The following ZNF474 variants were observed in gnomAD, a reference collection of about 807,000 sequenced individuals.
The protein encoded by ZNF474 is zinc finger protein 474, also known as 4933409D10Rik.
For missense variants in ZNF474, 511 were observed against 433.8 expected, an observed-to-expected ratio of 1.18 and a Z score of -1.58; for synonymous variants, 192 against 162.2, an observed-to-expected ratio of 1.18 and a Z score of -1.39.
chr5:122,130,295 A>G (rs1382375039), intron 1 of ZNF474, among the ~76,000 whole-genome samples: 1 of 152,182 alleles, frequency 6.6e-6, no homozygotes, highest in Non-Finnish European at 1.5e-5. Flanking sequence ...CAGTCAGGGC[A>G]CGGGACATTT....
In ZNF474 at chr5:122,152,850, G is replaced by C. The variant is rs1168996467; in HGVS notation, c.860G>C (p.Cys287Ser). 4 of 1,614,106 alleles carry C rather than the reference G, an allele frequency of 2.5e-6. No homozygotes were observed. Among genetic ancestry groups the C allele is most frequent in the Non-Finnish European group, 2.5e-6 (3 of 1,180,020 alleles). Residue 287 changes from cysteine (C) to serine (S), a missense_variant, in exon 2 of 2, where the codon TGC (cysteine) becomes TCC (serine). Transcript: ENST00000296600. ...AGPNQAQLVF[C>S]PHCSRIFTSD... ...CCAAATCAAGCTCAGCTTGTGTTCT[G>C]CCCACATTGTAGCCGAATCTTTACC... is the stretch of plus-strand genomic sequence containing the variant.
intron 1 of ZNF474, among the ~76,000 whole-genome samples, chr5:122,142,557 G>T (rs115824426): frequency 2.6e-5 from 4 of 152,086 alleles, no homozygotes; most frequent in Non-Finnish European, 5.9e-5. Context: ...AAGAATGAAC[G>T]TTTCCCCTAG....
At chr5:122,141,924 C>T (rs560046936) in intron 1 of ZNF474, among the ~76,000 whole-genome samples, 11 of 152,308 alleles carry the variant, frequency 7.2e-5, no homozygotes, top group African/African-American at 2.6e-4. Context: ...GGAAGAAGTT[C>T]TCCACATTTG....
Position 122,151,912 on chromosome 5 carries a change from T to C in ZNF474, c.-79T>C, listed in dbSNP as rs1310502767. On this transcript the variant is annotated 5_prime_UTR_variant, in exon 2 of 2. Transcript: ENST00000296600. ...TGAACCCCAGGACAACTAACCTCACTAACCTTCACTCTAAGCAGAAGCCCA... is the reference window on the plus strand; with the variant it reads ...TGAACCCCAGGACAACTAACCTCACCAACCTTCACTCTAAGCAGAAGCCCA... 6 of 1,517,122 alleles carry C rather than the reference T, an allele frequency of 4.0e-6. No homozygotes were observed. The highest frequency in any genetic ancestry group is 5.2e-6 in the Non-Finnish European group (6 of 1,142,930). The allele number at this position is 1,517,122 out of a possible 1,614,324, so 94.0% of individuals were successfully genotyped here.
chr5:122,145,102 T>C (rs1184023654), intron 1 of ZNF474, among the ~76,000 whole-genome samples: 2 of 152,212 alleles, frequency 1.3e-5, no homozygotes, highest in Non-Finnish European at 1.5e-5. Flanking sequence ...TGTTCATACC[T>C]GACAATTAGA....
intron 1 of ZNF474, among the ~76,000 whole-genome samples, chr5:122,142,585 C>G (rs542612804): frequency 6.6e-6 from 1 of 152,278 alleles, no homozygotes; most frequent in East Asian, 1.9e-4. Context: ...GCGACTCATT[C>G]TAGTGGTTTT....
intron 1 of ZNF474, among the ~76,000 whole-genome samples, chr5:122,133,873 G>C (rs1168636844): frequency 2.6e-5 from 4 of 152,192 alleles, no homozygotes; most frequent in South Asian, 2.1e-4. Flanking sequence ...GCTTATTTTA[G>C]AATTCAAATC....
At chr5:122,147,009 G>A (rs535425416) in intron 1 of ZNF474, among the ~76,000 whole-genome samples, 2 of 152,344 alleles carry the variant, frequency 1.3e-5, no homozygotes, top group Admixed American at 1.3e-4. Context: ...AATTGAGGGA[G>A]TTGAGTGGAA....
chr5:122,141,300 A>ACTTTTTTTTTTTTTTTT (rs1755839307), intron 1 of ZNF474, among the ~76,000 whole-genome samples: 1 of 64,360 alleles, frequency 1.6e-5, no homozygotes, highest in African/African-American at 7.4e-5. Context: ...ACCCCTGGCT[A>ACTTTTTTTTTTTTTTTT]TTTTTTTTTT....
intron 1 of ZNF474, among the ~76,000 whole-genome samples, chr5:122,150,270 C>G (rs1348612583): frequency 6.6e-6 from 1 of 152,152 alleles, no homozygotes; most frequent in African/African-American, 2.4e-5. Flanking sequence ...GCTGGCCACT[C>G]TGGGGCCAAC....
intron 1 of ZNF474, among the ~76,000 whole-genome samples, chr5:122,141,298 C>CTTTTTTTTTTTTT (rs1755838890): frequency 2.0e-5 from 2 of 102,200 alleles, no homozygotes; most frequent in African/African-American, 8.7e-5. Flanking sequence ...TTACCCCTGG[C>CTTTTTTTTTTTTT]TATTTTTTTT....
At chr5:122,133,752 G>C (rs1183268005) in intron 1 of ZNF474, among the ~76,000 whole-genome samples, 1 of 152,118 alleles carries the variant, frequency 6.6e-6, no homozygotes, top group Non-Finnish European at 1.5e-5. Flanking sequence ...GTAGTGATGA[G>C]ATCTTACTAT....
At chr5:122,138,466 T>C (rs1000695459) in intron 1 of ZNF474, among the ~76,000 whole-genome samples, 3 of 152,202 alleles carry the variant, frequency 2.0e-5, no homozygotes, top group African/African-American at 4.8e-5. Context: ...GTTCAAAAGG[T>C]TATTTTAGTG....
chr5:122,132,046 A>G (rs935881889), intron 1 of ZNF474, among the ~76,000 whole-genome samples: 82 of 152,124 alleles, frequency 5.4e-4, no homozygotes, highest in African/African-American at 1.8e-3. Context: ...TTCTGTCACT[A>G]CAGATTAGCT....
chr5:122,137,727 G>A (rs138019322), intron 1 of ZNF474, among the ~76,000 whole-genome samples: 4 of 152,284 alleles, frequency 2.6e-5, no homozygotes, highest in African/African-American at 9.6e-5. Context: ...CAGAGACTGA[G>A]GGAGGTACCA....
intron 1 of ZNF474, among the ~76,000 whole-genome samples, chr5:122,148,504 A>G (rs957842886): frequency 1.3e-5 from 2 of 152,206 alleles, no homozygotes; most frequent in African/African-American, 4.8e-5. Flanking sequence ...ACTGAGCACT[A>G]CCTGGCCTCT....
chr5:122,141,064 G>A (rs1203331905), intron 1 of ZNF474, among the ~76,000 whole-genome samples: 3 of 150,870 alleles, frequency 2.0e-5, no homozygotes, highest in African/African-American at 7.3e-5. Context: ...ACCACAAAAT[G>A]GAAATGTGTT....
intron 1 of ZNF474, among the ~76,000 whole-genome samples, chr5:122,151,507 T>C (rs1167015411): frequency 6.6e-6 from 1 of 152,152 alleles, no homozygotes. Context: ...TGTGCTGTAA[T>C]TGTCAAGTTA....
chr5:122,149,885 CTGTGTGTGTG>C (rs35051222), intron 1 of ZNF474, among the ~76,000 whole-genome samples: 24 of 141,588 alleles, frequency 1.7e-4, no homozygotes, highest in East Asian at 8.4e-4. Context: ...AGAATTGACT[CTGTGTGTGTG>C]TGTGTGTGTG....
Sources: allele counts gnomAD v4.1 joint callset (sites outside exome capture counted in the v4.1 genomes callset), GRCh38; gene constraint gnomAD v4.1.1; transcripts MANE v1.5; gene names NCBI Gene and HGNC (gene_info 2026-07-23, HGNC 2026-07-21).